Variants in CCDC73 observed in about 807,000 individuals in gnomAD.
CCDC73 encodes the protein coiled-coil domain containing 73, also known as coiled-coil domain-containing protein 73.
Under a neutral mutation model 116.5 loss-of-function variants are expected in CCDC73, and 95 were observed. That is an observed-to-expected ratio of 0.82 (90% confidence interval 0.69 to 0.97). The LOEUF is 0.97. Among genes scored for constraint, CCDC73 ranks in the 50% least tolerant of loss-of-function variants. The probability of loss-of-function intolerance (pLI) is 0.00; values close to 1 mark genes in which losing one functional copy is unlikely to be tolerated. For synonymous variants in CCDC73, 398 were observed against 401.3 expected (o/e 0.99, Z 0.10); for missense variants, 1,066 against 1,206.8 (o/e 0.88, Z 1.73).
At chr11:32,745,871 CTT>C (rs1326551145) in intron 2 of CCDC73, among the ~76,000 whole-genome samples, 1 of 151,458 alleles carries the variant, frequency 6.6e-6, no homozygotes, top group African/African-American at 2.4e-5. Flanking sequence ...GGTCTTGACT[CTT>C]TATCCAGTTT....
At position 32,652,552 on chromosome 11, in the gene CCDC73, G is replaced by A. The variant is rs368305450; in HGVS notation, c.939+571C>T. ...CACTCAGCTTTATAAGGGGAAATGCGCCTGCCTCTGCTAGGGATGTAAGAG... is the reference window on the plus strand; with the variant it reads ...CACTCAGCTTTATAAGGGGAAATGCACCTGCCTCTGCTAGGGATGTAAGAG... On this transcript the variant is annotated intron_variant, in intron 12 of 17. Coordinates refer to ENST00000335185, the MANE Select transcript of CCDC73 (RefSeq NM_001008391.4). Among the ~76,000 whole-genome samples, 21 of 152,182 alleles carry A rather than the reference G, an allele frequency of 1.4e-4. No homozygotes were observed. The South Asian group carries it at 1.7e-3, about 12-fold the overall frequency.
At chr11:32,819,051 T>C in the CCDC73 span, among the ~76,000 whole-genome samples, 1 of 152,298 alleles carries the variant, frequency 6.6e-6, no homozygotes, top group East Asian at 1.9e-4. Context: ...TTAAAATGGT[T>C]AAAATGGTAA....
At chr11:32,736,392 C>T (rs1850129335) in intron 2 of CCDC73, among the ~76,000 whole-genome samples, 1 of 152,002 alleles carries the variant, frequency 6.6e-6, no homozygotes, top group Non-Finnish European at 1.5e-5. Context: ...CTTATGCAGC[C>T]AAAAGACACA....
Position 32,761,659 on chromosome 11 carries a change from A to G in CCDC73, c.-15-1401T>C, listed in dbSNP as rs559397087. On this transcript the variant is annotated intron_variant, in intron 1 of 17. Transcript: ENST00000335185. ...TCTGATAAGTATTATACTAATAAGC[A>G]TTCTCCAGAGAAACAGAATAGGATG... Among the ~76,000 whole-genome samples the G allele has an allele frequency of 1.3e-3, 200 of 152,342 alleles. 1 individual carries two copies. The highest frequency in any genetic ancestry group is 4.6e-3 in the African/African-American group (191 of 41,580).
At chr11:32,647,966 C>T (rs1477066871) in intron 12 of CCDC73, among the ~76,000 whole-genome samples, 1 of 152,142 alleles carries the variant, frequency 6.6e-6, no homozygotes, top group African/African-American at 2.4e-5. Context: ...CCAGCCCCCA[C>T]TGGCAAAAGC....
At chr11:32,779,846 G>C (rs1850567658) in intron 1 of CCDC73, among the ~76,000 whole-genome samples, 1 of 152,236 alleles carries the variant, frequency 6.6e-6, no homozygotes, top group East Asian at 1.9e-4. Flanking sequence ...AGGTATACAG[G>C]TTAATAAACA....
intron 6 of CCDC73, among the ~76,000 whole-genome samples, chr11:32,689,750 C>G (rs545612997): frequency 9.2e-5 from 14 of 152,222 alleles, no homozygotes; most frequent in Middle Eastern, 6.8e-3. Flanking sequence ...AATCCCAGCA[C>G]TTTGGGAGGC....
chr11:32,649,676 C>T (rs1034463597), intron 12 of CCDC73, among the ~76,000 whole-genome samples: 30 of 152,162 alleles, frequency 2.0e-4, no homozygotes, highest in African/African-American at 7.0e-4. Flanking sequence ...CAGACAAGTA[C>T]TGATCCATGA....
In CCDC73 at chr11:32,638,637, C is replaced by T. The variant is rs578011366; in HGVS notation, c.1051-2807G>A. 5.9e-4 allele frequency among the ~76,000 whole-genome samples: 89 copies of T among 152,110 alleles called. No individual in the cohort carries two copies. The South Asian group carries it at 0.017, about 29-fold the overall frequency. Reference sequence around the variant, plus strand: ...GGAATTACAGGCATGTGCCACCATGCCTGGCTAATTTTTGTATTGTTAGTA... The same window carrying T: ...GGAATTACAGGCATGTGCCACCATGTCTGGCTAATTTTTGTATTGTTAGTA... On this transcript the variant is annotated intron_variant, in intron 13 of 17. Transcript: ENST00000335185.
chr11:32,826,651 A>AC, the CCDC73 span, among the ~76,000 whole-genome samples: 2 of 131,850 alleles, frequency 1.5e-5, no homozygotes, highest in African/African-American at 5.9e-5. Context: ...TAACTCAAAA[A>AC]AAAAAAAACA....
At chr11:32,795,690 A>ATTT (rs541212653), upstream of CCDC73, among the ~76,000 whole-genome samples, 5 of 142,400 alleles carry the variant, frequency 3.5e-5, no homozygotes, top group African/African-American at 1.3e-4. Context: ...CTGCCCTCAA[A>ATTT]TTTTTTTTTT....
chr11:32,668,168 T>C (rs1856005203), intron 9 of CCDC73, among the ~76,000 whole-genome samples: 1 of 152,232 alleles, frequency 6.6e-6, no homozygotes, highest in South Asian at 2.1e-4. Flanking sequence ...GATTCTGTAA[T>C]TGCTACAGCT....
At chr11:32,608,451 C>T (rs987519688) in intron 17 of CCDC73, among the ~76,000 whole-genome samples, 1 of 152,188 alleles carries the variant, frequency 6.6e-6, no homozygotes, top group African/African-American at 2.4e-5. Flanking sequence ...CACGCTAATG[C>T]AAGAGGTGGG....
chr11:32,716,439 A>G (rs572267091), intron 3 of CCDC73, among the ~76,000 whole-genome samples: 19 of 152,352 alleles, frequency 1.2e-4, no homozygotes, highest in Admixed American at 5.2e-4. Flanking sequence ...ATGTTTAAGA[A>G]TCAAGTATGA....
At chr11:32,825,716 A>G in the CCDC73 span, among the ~76,000 whole-genome samples, 1 of 152,234 alleles carries the variant, frequency 6.6e-6, no homozygotes, top group South Asian at 2.1e-4. Flanking sequence ...ACTGATGCCA[A>G]ATAATCTTTG....
rs533276413 is a variant in CCDC73, at chr11:32,739,715, G to T, written c.135+20394C>A. On this transcript the variant is annotated intron_variant, in intron 2 of 17. Coordinates refer to ENST00000335185, the MANE Select transcript of CCDC73 (RefSeq NM_001008391.4). ...TTCTTGTCTGATTGCTCTAGCTAGG[G>T]CTTCCAGTATTATGTTGAATAACAG... Among the ~76,000 whole-genome samples, 30 of 151,828 alleles carry T rather than the reference G, an allele frequency of 2.0e-4. 1 individual carries two copies. In the South Asian group the frequency reaches 4.8e-3, roughly 24 times the overall value.
At chr11:32,697,816 C>T (rs1263661780) in intron 6 of CCDC73, among the ~76,000 whole-genome samples, 1 of 151,088 alleles carries the variant, frequency 6.6e-6, no homozygotes, top group Non-Finnish European at 1.5e-5. Flanking sequence ...TTGGTTTTAA[C>T]TTTTAGGTTC....
chr11:32,760,143 A>C lies in CCDC73; in HGVS notation c.101T>G (p.Leu34Ter). Residue 34 changes from leucine to a stop codon, truncating the protein, a stop_gained, in exon 2 of 18, where the codon TTA becomes TGA. Coordinates refer to ENST00000335185, the MANE Select transcript of CCDC73 (RefSeq NM_001008391.4). LOFTEE classifies it high-confidence loss of function. ...SIQLLDFKTSLLEALEELRMR... is the reference protein window; with the variant it reads ...SIQLLDFKTS ...ACGCAATTCTTCTAATGCCTCCAGTAAACTTGTTTTGAAATCTAATAGCTG... is the reference window on the plus strand; with the variant it reads ...ACGCAATTCTTCTAATGCCTCCAGTCAACTTGTTTTGAAATCTAATAGCTG... The C allele has an allele frequency of 6.2e-7, 1 of 1,605,940 alleles. No homozygotes were observed. Among genetic ancestry groups the C allele is most frequent in the Non-Finnish European group, 8.5e-7 (1 of 1,176,544 alleles).
At position 32,723,548 on chromosome 11, in the gene CCDC73, G is replaced by A. The variant is rs1051029226; in HGVS notation, c.136-5401C>T. ...TACCCAGTTACAATTTTGGCTGCTTGGACACGTGCCTGGCGTATGTACCTA... is the reference window on the plus strand; with the variant it reads ...TACCCAGTTACAATTTTGGCTGCTTAGACACGTGCCTGGCGTATGTACCTA... On this transcript the variant is annotated intron_variant, in intron 2 of 17. Coordinates refer to ENST00000335185, the MANE Select transcript of CCDC73 (RefSeq NM_001008391.4). Among the ~76,000 whole-genome samples the A allele has an allele frequency of 5.0e-4, 76 of 152,252 alleles. 1 individual carries two copies. The highest frequency in any genetic ancestry group is 3.1e-3 in the East Asian group (16 of 5,192).
Sources: allele counts gnomAD v4.1 joint callset (sites outside exome capture counted in the v4.1 genomes callset), GRCh38; gene constraint gnomAD v4.1.1; transcripts MANE v1.5; gene names NCBI Gene and HGNC (gene_info 2026-07-23, HGNC 2026-07-21).